The following SP140 variants were observed in gnomAD, a reference collection of about 807,000 sequenced individuals.
SP140 encodes SP140 nuclear body protein, also known as nuclear body protein SP140.
A neutral mutation model predicts 125.0 loss-of-function variants in SP140; 81 were observed. The ratio of observed to expected loss-of-function variants is 0.65; its 90% CI spans 0.54 to 0.78. SP140 has a LOEUF of 0.78. SP140 is among the 30% of genes least tolerant of loss of function. SP140 has a pLI of 0.00. For synonymous variants in SP140, 312 were observed against 354.0 expected, an observed-to-expected ratio of 0.88 and a Z score of 1.33; for missense variants, 858 against 1,037.0, an observed-to-expected ratio of 0.83 and a Z score of 2.37.
At chr2:230,209,902 G>A (rs772765909) in intron 1 of SP140, 1 of 1,352,334 alleles carries the variant, frequency 7.4e-7, no homozygotes, top group African/African-American at 1.4e-5. Context: ...TCACCCTTCT[G>A]ACCTCTACAG....
the SP140 span, among the ~76,000 whole-genome samples, chr2:230,191,948 G>A: frequency 6.6e-6 from 1 of 152,118 alleles, no homozygotes. Flanking sequence ...TGATCAAGTC[G>A]GTTTCATCTC....
At chr2:230,281,490 T>G (rs1474689277) in intron 15 of SP140, among the ~76,000 whole-genome samples, 1 of 152,232 alleles carries the variant, frequency 6.6e-6, no homozygotes, top group East Asian at 1.9e-4. Context: ...TGCATTTTTC[T>G]GCACCATCAA....
At chr2:230,210,077 T>G in intron 1 of SP140, 1 of 932,274 alleles carries the variant, frequency 1.1e-6, no homozygotes, top group Non-Finnish European at 1.8e-6. Flanking sequence ...GGGAAGTCAA[T>G]GCAAGAACTA....
chr2:230,284,537 C>A (rs753659986), intron 16 of SP140, 126 bp downstream of exon 16: 11 of 718,000 alleles, frequency 1.5e-5, no homozygotes, highest in Non-Finnish European at 2.3e-5. Context: ...AGGATGTAGA[C>A]TAACAGGCTG....
In SP140 at chr2:230,270,590, T is replaced by A; in HGVS notation, c.1449T>A (p.Thr483=). 4.4e-6 allele frequency: 7 copies of A among 1,608,510 alleles called. No homozygotes were observed. The highest frequency in any genetic ancestry group is 5.9e-6 in the Non-Finnish European group (7 of 1,177,390). The change falls in exon 15 of 27, where the codon ACT becomes ACA. Residue 483 remains threonine, a synonymous_variant. Transcript: ENST00000392045. ...CCACCACTTGTTATTTTCCAGATAC[T>A]GTGGATATTGCAAACAACTCCACTT... The part of the protein sequence containing the change: ...ESDQACGTMD[T]VDIANNSTLG...
intron 22 of SP140, among the ~76,000 whole-genome samples, chr2:230,301,633 G>T (rs866327831): frequency 6.6e-6 from 1 of 152,066 alleles, no homozygotes; most frequent in Non-Finnish European, 1.5e-5. Flanking sequence ...CTGCTAAAAG[G>T]AGTTCTAAAT....
intron 1 of SP140, among the ~76,000 whole-genome samples, chr2:230,210,628 T>A (rs1303769170): frequency 6.6e-6 from 1 of 152,212 alleles, no homozygotes; most frequent in Non-Finnish European, 1.5e-5. Context: ...TAGCACCTGT[T>A]AACAGCAAAG....
chr2:230,242,227 A>G (rs1421792938), intron 4 of SP140, among the ~76,000 whole-genome samples: 1 of 151,612 alleles, frequency 6.6e-6, no homozygotes, highest in Non-Finnish European at 1.5e-5. Context: ...AGAGGTACAG[A>G]GGCAACTATG....
intron 22 of SP140, among the ~76,000 whole-genome samples, chr2:230,307,976 TATATATATATATATAC>T (rs1419012413): frequency 2.4e-4 from 22 of 91,094 alleles, no homozygotes; most frequent in Non-Finnish European, 3.8e-4. Flanking sequence ...TATATATATA[TATATATATATATATAC>T]ACACACACAC....
chr2:230,306,668 G>A (rs764353107), intron 22 of SP140, among the ~76,000 whole-genome samples: 10 of 152,262 alleles, frequency 6.6e-5, no homozygotes, highest in Non-Finnish European at 1.5e-4. Flanking sequence ...CCTGTTGGGT[G>A]TGCACATGCT....
At chr2:230,199,360 C>A (rs183260624), upstream of SP140, among the ~76,000 whole-genome samples, 3 of 151,556 alleles carry the variant, frequency 2.0e-5, no homozygotes, top group East Asian at 5.8e-4. Context: ...AGGCGCCCAC[C>A]ACCACGCCTG....
chr2:230,294,573 G>C (rs577847329), intron 21 of SP140, among the ~76,000 whole-genome samples: 61 of 152,318 alleles, frequency 4.0e-4, no homozygotes, highest in Admixed American at 3.2e-3. Context: ...TATACGTCCT[G>C]GGAGTGTTTT....
At chr2:230,280,613 C>A (rs2055401817) in intron 15 of SP140, among the ~76,000 whole-genome samples, 1 of 152,146 alleles carries the variant, frequency 6.6e-6, no homozygotes, top group South Asian at 2.1e-4. Flanking sequence ...CCCTTTCTCC[C>A]TGCTGGTTTG....
At chr2:230,234,612 T>A (rs1038641897) in intron 1 of SP140, among the ~76,000 whole-genome samples, 1 of 152,248 alleles carries the variant, frequency 6.6e-6, no homozygotes, top group Non-Finnish European at 1.5e-5. Flanking sequence ...TAGGTTTGCA[T>A]CATTGCTTTA....
At chr2:230,254,459 A>G (rs2050843362) in intron 11 of SP140, among the ~76,000 whole-genome samples, 1 of 152,188 alleles carries the variant, frequency 6.6e-6, no homozygotes, top group African/African-American at 2.4e-5. Flanking sequence ...TCTGTTAGGC[A>G]GGCCTCCCTT....
At chr2:230,233,528 A>G (rs557299447) in intron 1 of SP140, among the ~76,000 whole-genome samples, 1 of 152,306 alleles carries the variant, frequency 6.6e-6, no homozygotes, top group East Asian at 1.9e-4. Flanking sequence ...TTATATTTTT[A>G]AAAATTATCG....
intron 1 of SP140, among the ~76,000 whole-genome samples, chr2:230,208,325 G>A (rs1255966909): frequency 6.6e-6 from 1 of 152,206 alleles, no homozygotes; most frequent in Admixed American, 6.5e-5. Context: ...AGATATGGAA[G>A]TAGTTGAAGT....
chr2:230,206,250 A>T (rs2043785450), intron 1 of SP140, among the ~76,000 whole-genome samples: 1 of 152,040 alleles, frequency 6.6e-6, no homozygotes, highest in South Asian at 2.1e-4. Flanking sequence ...TCCTTCCCAC[A>T]CAACTGGCTC....
At chr2:230,250,260 C>T (rs977413511) in intron 9 of SP140, among the ~76,000 whole-genome samples, 18 of 152,188 alleles carry the variant, frequency 1.2e-4, no homozygotes, top group African/African-American at 3.4e-4. Flanking sequence ...TTCTTTTCCC[C>T]TTAGACGCGG....
Sources: gnomAD v4.1 joint callset for allele counts (sites outside exome capture counted in the v4.1 genomes callset) on GRCh38, gnomAD v4.1.1 for gene constraint, MANE v1.5 for transcripts, NCBI Gene and HGNC (gene_info 2026-07-23, HGNC 2026-07-21) for gene names.